The following TMPRSS11D variants were observed in gnomAD, a reference collection of about 807,000 sequenced individuals.
TMPRSS11D encodes transmembrane protease serine 11D.
Under a neutral mutation model 44.4 loss-of-function variants are expected in TMPRSS11D, and 32 were observed. The observed-to-expected ratio is 0.72, with a 90% CI of 0.54 to 0.97. The LOEUF is 0.97. TMPRSS11D is among the 50% of genes least tolerant of loss of function. The pLI is 0.00. For missense variants in TMPRSS11D, 446 were observed against 502.6 expected, an observed-to-expected ratio of 0.89 and a Z score of 1.08; for synonymous variants, 179 against 177.9, an observed-to-expected ratio of 1.01 and a Z score of -0.05.
At chr4:67,859,852 T>C (rs1232907840) in intron 1 of TMPRSS11D, among the ~76,000 whole-genome samples, 174 bp from the exon 2 acceptor site, 2 of 152,198 alleles carry the variant, frequency 1.3e-5, no homozygotes, top group Non-Finnish European at 2.9e-5. Flanking sequence ...CGTAGTGGTT[T>C]TTCTTTCAAG....
chr4:67,861,435 A>C (rs1577825425), intron 1 of TMPRSS11D, among the ~76,000 whole-genome samples: 4 of 152,174 alleles, frequency 2.6e-5, no homozygotes, highest in Non-Finnish European at 5.9e-5. Context: ...AGTTAAAAAT[A>C]GACAGAGTTG....
rs958219887 is a variant in TMPRSS11D at position 67,827,620 on chromosome 4, T to C, written c.693-100A>G. ...ATCCTGTACCACTATCTAGAAACTA[T>C]TGGATCCACATCTCTTTGCTATATT... On this transcript the variant is annotated intron_variant, in intron 7 of 9. Coordinates refer to ENST00000283916, the MANE Select transcript of TMPRSS11D (RefSeq NM_004262.3). 15 of 1,284,908 alleles carry C rather than the reference T, an allele frequency of 1.2e-5. No homozygotes were observed. The African/African-American group carries it at 1.8e-4, about 16-fold the overall frequency. 79.6% of individuals were successfully genotyped at this position (1,284,908 alleles called of 1,614,324 possible).
chr4:67,845,797 A>G (rs1425135394), intron 3 of TMPRSS11D, among the ~76,000 whole-genome samples: 1 of 152,150 alleles, frequency 6.6e-6, no homozygotes, highest in Non-Finnish European at 1.5e-5. Flanking sequence ...AATATTCATA[A>G]TCAAAAGACT....
At chr4:67,857,289 ATATATATATATATATATAT>A (rs1263876685) in intron 2 of TMPRSS11D, among the ~76,000 whole-genome samples, 1 of 76,510 alleles carries the variant, frequency 1.3e-5, no homozygotes, top group Non-Finnish European at 2.6e-5. Context: ...ATATATATAT[ATATATATATATATATATAT>A]ATATATATAT....
At chr4:67,880,127 G>A (rs954533768) in intron 1 of TMPRSS11D, among the ~76,000 whole-genome samples, 1 of 152,190 alleles carries the variant, frequency 6.6e-6, no homozygotes, top group South Asian at 2.1e-4. Context: ...ACCATGCCAC[G>A]TAACAGTTAC....
chr4:67,830,468 G>C (rs1051564666), intron 7 of TMPRSS11D, among the ~76,000 whole-genome samples: 10 of 152,022 alleles, frequency 6.6e-5, no homozygotes, highest in Non-Finnish European at 1.5e-4. Context: ...CAATTTAGGA[G>C]TTTTATGGAG....
chr4:67,827,990 A>G (rs1471601225), intron 7 of TMPRSS11D, among the ~76,000 whole-genome samples: 1 of 151,846 alleles, frequency 6.6e-6, no homozygotes, highest in Non-Finnish European at 1.5e-5. Context: ...TTGTTAATGG[A>G]TGAATAATTT....
chr4:67,863,131 T>C (rs867495007), intron 1 of TMPRSS11D, among the ~76,000 whole-genome samples: 1 of 151,034 alleles, frequency 6.6e-6, no homozygotes, highest in African/African-American at 2.4e-5. Context: ...GTACAACTCA[T>C]AACTCTTATG....
chr4:67,878,752 C>G (rs10023103), intron 1 of TMPRSS11D, among the ~76,000 whole-genome samples: 1 of 151,956 alleles, frequency 6.6e-6, no homozygotes, highest in African/African-American at 2.4e-5. Context: ...GGTGAAACCC[C>G]GTCTCTACTA....
At chr4:67,848,312 G>GT (rs1483201975) in intron 3 of TMPRSS11D, among the ~76,000 whole-genome samples, 1 of 152,180 alleles carries the variant, frequency 6.6e-6, no homozygotes, top group Non-Finnish European at 1.5e-5. Flanking sequence ...TGCATTCATA[G>GT]TTTTGATACA....
In TMPRSS11D at chr4:67,844,526, C is replaced by T. The variant is rs559952116; in HGVS notation, c.250-1901G>A. 8.5e-5 allele frequency among the ~76,000 whole-genome samples: 13 copies of T among 152,120 alleles called. No homozygotes were observed. The South Asian group carries it at 2.7e-3, about 32-fold the overall frequency. On this transcript the variant is annotated intron_variant, in intron 3 of 9. Transcript: ENST00000283916. ...CAGTGGCTCACACCTGTAATCCCAG[C>T]ACTTTGGGAGGCTGAGGCAAGTGGA...
chr4:67,871,253 G>A (rs1476629545), intron 1 of TMPRSS11D, among the ~76,000 whole-genome samples: 1 of 152,170 alleles, frequency 6.6e-6, no homozygotes, highest in African/African-American at 2.4e-5. Flanking sequence ...GAAACTCAAA[G>A]TGTTTCCCTT....
At chr4:67,881,253 A>G (rs1436140404) in intron 1 of TMPRSS11D, among the ~76,000 whole-genome samples, 1 of 152,192 alleles carries the variant, frequency 6.6e-6, no homozygotes, top group African/African-American at 2.4e-5. Flanking sequence ...TGGGAGTTGC[A>G]GTAGTGTGTT....
intron 3 of TMPRSS11D, among the ~76,000 whole-genome samples, chr4:67,849,669 G>A (rs370211245): frequency 8.6e-4 from 131 of 152,212 alleles, no homozygotes; most frequent in African/African-American, 2.8e-3. Flanking sequence ...TATTTTACTC[G>A]TGAATAAACT....
chr4:67,848,161 A>G (rs1718401908), intron 3 of TMPRSS11D, among the ~76,000 whole-genome samples: 1 of 152,210 alleles, frequency 6.6e-6, no homozygotes, highest in African/African-American at 2.4e-5. Flanking sequence ...ATATTTTGGG[A>G]AAAAAGTATT....
intron 9 of TMPRSS11D, among the ~76,000 whole-genome samples, chr4:67,823,867 C>T (rs7680243): frequency 0.62 from 94,254 of 151,816 alleles, 30,619 homozygotes; most frequent in Admixed American, 0.74. Flanking sequence ...TGATGTCTGA[C>T]CAAATGTGGG....
At chr4:67,882,067 T>TA (rs779044435) in intron 1 of TMPRSS11D, among the ~76,000 whole-genome samples, 3 of 152,100 alleles carry the variant, frequency 2.0e-5, no homozygotes, top group Non-Finnish European at 2.9e-5. Context: ...TCCTGGGCCC[T>TA]ACGGTAGGAT....
At chr4:67,840,190 G>A (rs896314871) in intron 4 of TMPRSS11D, among the ~76,000 whole-genome samples, 39 of 152,000 alleles carry the variant, frequency 2.6e-4, no homozygotes, top group Admixed American at 2.6e-3. Flanking sequence ...ATAAAGAACC[G>A]CCGGAGACTG....
chr4:67,873,909 C>T (rs1340830145), intron 1 of TMPRSS11D, among the ~76,000 whole-genome samples: 1 of 152,054 alleles, frequency 6.6e-6, no homozygotes, highest in African/African-American at 2.4e-5. Flanking sequence ...ATGTTCAAAG[C>T]CTTAACTTAT....
Sources: allele counts gnomAD v4.1 joint callset (sites outside exome capture counted in the v4.1 genomes callset), GRCh38; gene constraint gnomAD v4.1.1; transcripts MANE v1.5; gene names NCBI Gene and HGNC (gene_info 2026-07-23, HGNC 2026-07-21).